Variants in IPO7 observed in about 807,000 individuals in gnomAD.
IPO7 encodes the protein importin 7, also known as importin-7.
IPO7 carries 13 observed loss-of-function variants against 136.4 expected under a neutral mutation model. The observed-to-expected ratio is 0.10, with a 90% CI of 0.06 to 0.15. The LOEUF is 0.15. Ranked by LOEUF, IPO7 falls within the 10% of genes least tolerant of loss-of-function variation. IPO7 has a pLI of 1.00. For missense variants in IPO7, 857 were observed against 1,240.6 expected (o/e 0.69, Z 4.65); for synonymous variants, 403 against 404.4 (o/e 1.00, Z 0.04).
At chr11:9,404,007 G>A (rs968526568) in intron 2 of IPO7, among the ~76,000 whole-genome samples, 6 of 152,078 alleles carry the variant, frequency 3.9e-5, no homozygotes, top group Non-Finnish European at 7.4e-5. Context: ...GATTATAGGC[G>A]TGAGCCACCA....
intron 1 of IPO7, among the ~76,000 whole-genome samples, chr11:9,400,827 C>T (rs968313569): frequency 2.0e-5 from 3 of 152,114 alleles, no homozygotes; most frequent in African/African-American, 7.2e-5. Flanking sequence ...GAAAATTCTG[C>T]ACCCAGCTGG....
intron 10 of IPO7, 71 bp downstream of exon 10, chr11:9,423,947 A>G: frequency 8.4e-6 from 7 of 831,662 alleles, no homozygotes; most frequent in African/African-American, 5.0e-5. Flanking sequence ...CATGTAGCCA[A>G]CCTAGGGGGT....
At chr11:9,386,873 T>A (rs1043963548) in intron 1 of IPO7, among the ~76,000 whole-genome samples, 1 of 152,222 alleles carries the variant, frequency 6.6e-6, no homozygotes. Flanking sequence ...ATTTTTGTAA[T>A]CCTTAACTAT....
chr11:9,390,766 A>ATAGGGAGACCCAGTCGC lies in IPO7; in HGVS notation c.84+5921_84+5922insGGGAGACCCAGTCGCTA, dbSNP rs146167125. 3.3e-5 allele frequency among the ~76,000 whole-genome samples: 5 copies of ATAGGGAGACCCAGTCGC among 152,130 alleles called. 1 individual carries two copies. Among genetic ancestry groups the ATAGGGAGACCCAGTCGC allele is most frequent in the Admixed American group, 3.3e-4 (5 of 15,268 alleles). ...GGAGTTTGAGACCAGCCTGGGCAAC[A>ATAGGGAGACCCAGTCGC]TACAAAAAAAATTTTTTTTTTTAGC... On this transcript the variant is annotated intron_variant, in intron 1 of 24. Transcript: ENST00000379719.
intron 16 of IPO7, 144 bp downstream of exon 16, chr11:9,431,147 C>G (rs1418659901): frequency 1.8e-6 from 1 of 546,156 alleles, no homozygotes; most frequent in Non-Finnish European, 3.1e-6. Flanking sequence ...ATTTTAAGTT[C>G]TAAAGTATTA....
In IPO7 at chr11:9,397,341, A is replaced by AAAAAATATAT; in HGVS notation, c.85-5948_85-5947insAAAATATATA. Among the ~76,000 whole-genome samples, 40 of 10,758 alleles carry AAAAAATATAT rather than the reference A, an allele frequency of 3.7e-3. 5 individuals are homozygous for AAAAAATATAT. The highest frequency in any genetic ancestry group is 6.3e-3 in the Admixed American group (3 of 478). 7.1% of individuals were successfully genotyped at this position (10,758 alleles called of 152,430 possible). A position where few individuals can be genotyped will look rare whatever the true frequency, so the allele number is the denominator to read the frequency against. Reference sequence around the variant, plus strand: ...CTTTACTAAAAATAATTTAAAAAAAAATATATATATATATATATATATATT... The same window carrying AAAAAATATAT: ...CTTTACTAAAAATAATTTAAAAAAAAAAAAATATATATATATATATATATATATATATATT... On this transcript the variant is annotated intron_variant, in intron 1 of 24. Coordinates refer to ENST00000379719, the MANE Select transcript of IPO7 (RefSeq NM_006391.3).
intron 5 of IPO7, among the ~76,000 whole-genome samples, chr11:9,415,789 G>A (rs1368634197): frequency 6.6e-6 from 1 of 151,738 alleles, no homozygotes; most frequent in Non-Finnish European, 1.5e-5. Context: ...AGTGAGCCGA[G>A]ATCGCACCAC....
chr11:9,406,350 G>A (rs1396771380), intron 2 of IPO7, among the ~76,000 whole-genome samples: 1 of 151,722 alleles, frequency 6.6e-6, no homozygotes, highest in Non-Finnish European at 1.5e-5. Context: ...TTTTACTAGT[G>A]AAGCTCACAT....
rs1255895165 is a variant in IPO7, at chr11:9,423,148, T to A, written c.1041+8T>A. On this transcript the variant is annotated splice_region_variant and intron_variant, in intron 9 of 24. Transcript: ENST00000379719. ...CTGAAGCCCCATATACAAGTAATAA[T>A]TTTTATCTGAAATGTTTTTATAGTA... 1.3e-6 allele frequency: 2 copies of A among 1,526,766 alleles called. No individual in the cohort carries two copies. Among genetic ancestry groups the A allele is most frequent in the East Asian group, 4.5e-5 (2 of 44,356 alleles). 94.6% of individuals were successfully genotyped at this position (1,526,766 alleles called of 1,614,324 possible).
chr11:9,385,737 C>T (rs766927484), intron 1 of IPO7, among the ~76,000 whole-genome samples: 4 of 151,588 alleles, frequency 2.6e-5, no homozygotes, highest in Admixed American at 6.6e-5. Context: ...TTTTTTTTTC[C>T]CCCATATTTT....
At chr11:9,419,864 C>T (rs948224123) in intron 6 of IPO7, among the ~76,000 whole-genome samples, 1 of 152,012 alleles carries the variant, frequency 6.6e-6, no homozygotes, top group Non-Finnish European at 1.5e-5. Flanking sequence ...CTACAATTGT[C>T]GTGGCCTTGA....
intron 5 of IPO7, among the ~76,000 whole-genome samples, chr11:9,415,561 G>A (rs1002449576): frequency 1.3e-5 from 2 of 152,166 alleles, no homozygotes; most frequent in African/African-American, 4.8e-5. Context: ...GGTTGGGGCC[G>A]GGCGTGATGG....
rs1248205668 is a variant in IPO7, at chr11:9,399,638, A to G, written c.85-3652A>G. On this transcript the variant is annotated intron_variant, in intron 1 of 24. Coordinates refer to ENST00000379719, the MANE Select transcript of IPO7 (RefSeq NM_006391.3). Reference sequence around the variant, plus strand: ...AAAATTATGCTTTGTAAAGATAGTGATTGGATGAGATCATCTGGGGAGAAG... The same window carrying G: ...AAAATTATGCTTTGTAAAGATAGTGGTTGGATGAGATCATCTGGGGAGAAG... 1.1e-4 allele frequency among the ~76,000 whole-genome samples: 16 copies of G among 152,158 alleles called. 1 individual carries two copies. Among genetic ancestry groups the G allele is most frequent in the Admixed American group, 4.6e-4 (7 of 15,268 alleles).
At chr11:9,416,573 C>G (rs985657551) in intron 5 of IPO7, among the ~76,000 whole-genome samples, 6 of 152,052 alleles carry the variant, frequency 3.9e-5, no homozygotes, top group African/African-American at 7.2e-5. Flanking sequence ...AATTGGATAA[C>G]TTTTTTATTG....
chr11:9,442,377 G>T (rs576916567), intron 24 of IPO7, among the ~76,000 whole-genome samples, 180 bp downstream of exon 24: 91 of 152,022 alleles, frequency 6.0e-4, no homozygotes, highest in Non-Finnish European at 1.0e-3. Context: ...CTTAATTTTG[G>T]CTTTGGCTAC....
intron 5 of IPO7, 35 bp downstream of exon 5, chr11:9,414,446 GT>G: frequency 7.2e-7 from 1 of 1,388,734 alleles, no homozygotes; most frequent in Non-Finnish European, 9.9e-7. Flanking sequence ...TGCATAAAAA[GT>G]TAGTCTGTCA....
intron 2 of IPO7, among the ~76,000 whole-genome samples, chr11:9,408,198 A>G (rs1266205958): frequency 6.6e-6 from 1 of 152,162 alleles, no homozygotes; most frequent in Non-Finnish European, 1.5e-5. Flanking sequence ...TGTAGAAAAC[A>G]GGGTTAAAAG....
chr11:9,408,774 C>T (rs1854926349), intron 3 of IPO7, 135 bp downstream of exon 3: 7 of 529,602 alleles, frequency 1.3e-5, no homozygotes, highest in Admixed American at 8.8e-5. Flanking sequence ...TGCAGTGGCA[C>T]GATCCTTGCT....
intron 6 of IPO7, among the ~76,000 whole-genome samples, chr11:9,419,198 A>T (rs1855086918): frequency 6.6e-6 from 1 of 152,156 alleles, no homozygotes; most frequent in Non-Finnish European, 1.5e-5. Context: ...TTCACTAGCG[A>T]TGTATGAGAG....
Sources: gnomAD v4.1 joint callset for allele counts (sites outside exome capture counted in the v4.1 genomes callset) on GRCh38, gnomAD v4.1.1 for gene constraint, MANE v1.5 for transcripts, NCBI Gene and HGNC (gene_info 2026-07-23, HGNC 2026-07-21) for gene names.